MED15: variants seen among roughly 807,000 people sequenced by gnomAD.
MED15 encodes the protein mediator complex subunit 15.
In MED15, 41 loss-of-function variants were observed where a neutral mutation model predicts 118.7. The ratio of observed to expected loss-of-function variants is 0.35; its 90% CI spans 0.27 to 0.45. MED15 has a LOEUF of 0.45. MED15 is among the 20% of genes least tolerant of loss of function. The pLI, the probability that MED15 is intolerant of heterozygous loss-of-function variation, is 1.00. For missense variants in MED15, 740 were observed against 1,025.5 expected, an observed-to-expected ratio of 0.72 and a Z score of 3.80; for synonymous variants, 436 against 413.9, an observed-to-expected ratio of 1.05 and a Z score of -0.65.
chr22:20,540,301 A>G (rs1171390589), intron 2 of MED15, among the ~76,000 whole-genome samples: 1 of 152,210 alleles, frequency 6.6e-6, no homozygotes, highest in African/African-American at 2.4e-5. Context: ...TTTTGTGCCA[A>G]AAATAAAATT....
chr22:20,582,693 C>G lies in MED15; in HGVS notation c.1355C>G (p.Pro452Arg), dbSNP rs201035504. 1.5e-4 allele frequency: 243 copies of G among 1,597,666 alleles called. No homozygotes were observed. The African/African-American group carries it at 1.7e-3, about 11-fold the overall frequency. Residue 452 changes from proline to arginine, a missense_variant, in exon 10 of 18, where the codon CCC becomes CGC. Physicochemically the swap from Pro to Arg is moderately radical, Grantham distance 103. Transcript: ENST00000263205. ...VQTPQSMPPP[P>R]QPSPQPGQPS... ...ACCCCGCAGTCGATGCCCCCTCCCCCCCAGCCGTCCCCGCAGCCCGGCCAG... is the reference window on the plus strand; with the variant it reads ...ACCCCGCAGTCGATGCCCCCTCCCCGCCAGCCGTCCCCGCAGCCCGGCCAG...
At chr22:20,551,589 C>A in intron 3 of MED15, 102 bp downstream of exon 3, 2 of 1,119,880 alleles carry the variant, frequency 1.8e-6, no homozygotes, top group Non-Finnish European at 2.7e-6. Flanking sequence ...GTGCCTGAGT[C>A]AGAAGGTCTG....
chr22:20,568,171 C>A (rs2056511114), intron 7 of MED15, among the ~76,000 whole-genome samples: 1 of 152,202 alleles, frequency 6.6e-6, no homozygotes. Flanking sequence ...AGCTTTCCTT[C>A]AAGGAATCAG....
In MED15 at chr22:20,533,955, A is replaced by T. The variant is rs551324896; in HGVS notation, c.69-3162A>T. Among the ~76,000 whole-genome samples, 4 of 152,244 alleles carry T rather than the reference A, an allele frequency of 2.6e-5. No individual in the cohort carries two copies. The South Asian group carries it at 8.3e-4, about 32-fold the overall frequency. On this transcript the variant is annotated intron_variant, in intron 1 of 17. Coordinates refer to ENST00000263205, the MANE Select transcript of MED15 (RefSeq NM_001003891.3). ...TGCCAGGTGTCTCTGCTGCACCAAGACAGTGTCTGTCTGGGGCCTGCCAGT... is the reference window on the plus strand; with the variant it reads ...TGCCAGGTGTCTCTGCTGCACCAAGTCAGTGTCTGTCTGGGGCCTGCCAGT...
At position 20,566,544 on chromosome 22, in the gene MED15, G is replaced by A. The variant is rs2056448532; in HGVS notation, c.768G>A (p.Gln256=). 1.2e-6 allele frequency: 2 copies of A among 1,611,374 alleles called. No individual in the cohort carries two copies. The highest frequency in any genetic ancestry group is 1.7e-6 in the Non-Finnish European group (2 of 1,178,394). Residue 256 remains glutamine, a synonymous_variant, in exon 7 of 18, where the codon CAG becomes CAA. Coordinates refer to ENST00000263205, the MANE Select transcript of MED15 (RefSeq NM_001003891.3). Reference sequence around the variant, plus strand: ...AACAGCAACAGCAGCAGCAGCAGCAGCAGCAGCAGCAGCAGCAGGCTTTGC... The same window carrying A: ...AACAGCAACAGCAGCAGCAGCAGCAACAGCAGCAGCAGCAGCAGGCTTTGC... The part of the protein sequence containing the change: ...LQQQQQQQQQ[Q]QQQQQQALQA...
intron 2 of MED15, among the ~76,000 whole-genome samples, chr22:20,548,372 C>T (rs1319557650): frequency 2.0e-5 from 3 of 152,142 alleles, no homozygotes; most frequent in Non-Finnish European, 4.4e-5. Flanking sequence ...ACCATGTTGG[C>T]CAGGCTGGTC....
At chr22:20,527,903 G>A (rs1001887477) in intron 1 of MED15, among the ~76,000 whole-genome samples, 3 of 149,080 alleles carry the variant, frequency 2.0e-5, no homozygotes, top group Admixed American at 6.7e-5. Flanking sequence ...GTTGCAGTGA[G>A]CCGAGATCGT....
chr22:20,519,746 C>G (rs1175046864), intron 1 of MED15, among the ~76,000 whole-genome samples: 1 of 152,174 alleles, frequency 6.6e-6, no homozygotes, highest in African/African-American at 2.4e-5. Context: ...TGAGCCATTG[C>G]ATCCGGCCTG....
intron 2 of MED15, chr22:20,551,141 A>T: frequency 1.7e-6 from 1 of 593,250 alleles, no homozygotes; most frequent in South Asian, 1.5e-5. Context: ...AAGAGAGGGC[A>T]CTCAAGATGG....
At chr22:20,582,281 C>T in intron 9 of MED15, 1 of 437,108 alleles carries the variant, frequency 2.3e-6, no homozygotes, top group Non-Finnish European at 4.2e-6. Flanking sequence ...GAAGGCCAGG[C>T]TAGTGCCAGC....
intron 1 of MED15, among the ~76,000 whole-genome samples, chr22:20,511,376 C>T (rs973532886): frequency 1.3e-5 from 2 of 151,814 alleles, no homozygotes; most frequent in Non-Finnish European, 2.9e-5. Flanking sequence ...CTCGTAGTCC[C>T]AGCTACTCTG....
intron 7 of MED15, among the ~76,000 whole-genome samples, chr22:20,568,078 C>T (rs549523541): frequency 9.9e-4 from 151 of 152,316 alleles, no homozygotes; most frequent in African/African-American, 3.4e-3. Context: ...TGGGCTTAAG[C>T]GATCCACTGG....
chr22:20,577,226 C>T (rs1395990820), intron 9 of MED15, among the ~76,000 whole-genome samples: 1 of 152,186 alleles, frequency 6.6e-6, no homozygotes, highest in Non-Finnish European at 1.5e-5. Context: ...TCCTGCTGGG[C>T]TGATGACCTG....
At chr22:20,563,013 G>A (rs972185910) in intron 5 of MED15, among the ~76,000 whole-genome samples, 2 of 151,402 alleles carry the variant, frequency 1.3e-5, no homozygotes, top group African/African-American at 4.9e-5. Flanking sequence ...TCCAGACTGG[G>A]CAACAGAGTG....
intron 9 of MED15, among the ~76,000 whole-genome samples, chr22:20,577,837 G>T (rs2056866974): frequency 6.6e-6 from 1 of 152,110 alleles, no homozygotes; most frequent in South Asian, 2.1e-4. Context: ...GTAGACAAAA[G>T]CCACAGGATT....
intron 2 of MED15, among the ~76,000 whole-genome samples, chr22:20,548,339 A>G (rs77551372): frequency 6.6e-6 from 1 of 151,632 alleles, no homozygotes; most frequent in Non-Finnish European, 1.5e-5. Context: ...TTTTTTTTGT[A>G]TTTTTAGTAG....
intron 1 of MED15, among the ~76,000 whole-genome samples, chr22:20,515,635 C>T (rs1321188770): frequency 6.6e-6 from 1 of 151,802 alleles, no homozygotes; most frequent in Non-Finnish European, 1.5e-5. Flanking sequence ...ACTAAAAATA[C>T]AAAAATTAGC....
At chr22:20,581,486 C>T (rs2056980311) in intron 9 of MED15, among the ~76,000 whole-genome samples, 1 of 152,156 alleles carries the variant, frequency 6.6e-6, no homozygotes, top group African/African-American at 2.4e-5. Context: ...CTGAGTTGGT[C>T]TACAGAAATG....
Position 20,551,462 on chromosome 22 carries a change from G to A in MED15, c.183G>A (p.Arg61=). The A allele has an allele frequency of 2.5e-6, 4 of 1,614,116 alleles. No homozygotes were observed. Among genetic ancestry groups the A allele is most frequent in the Admixed American group, 1.7e-5 (1 of 60,030 alleles). Residue 61 remains arginine, a synonymous_variant, in exon 3 of 18, where the codon AGG becomes AGA. Coordinates refer to ENST00000263205, the MANE Select transcript of MED15 (RefSeq NM_001003891.3). ...TRDEYLSLVA[R]LIIHFRDIHN... is the part of the protein sequence containing the mutation. ...ACGAATACCTTTCTCTCGTGGCCAG[G>A]CTCATTATCCATTTTCGAGACATTC...
Sources: allele counts gnomAD v4.1 joint callset (sites outside exome capture counted in the v4.1 genomes callset), GRCh38; gene constraint gnomAD v4.1.1; transcripts MANE v1.5; gene names NCBI Gene and HGNC (gene_info 2026-07-23, HGNC 2026-07-21).